The following PPP1R10 variants were observed in gnomAD, a reference collection of about 807,000 sequenced individuals.
PPP1R10 encodes protein phosphatase 1 regulatory subunit 10, also known as serine/threonine-protein phosphatase 1 regulatory subunit 10.
In PPP1R10, 15 loss-of-function variants were observed where a neutral mutation model predicts 99.0. The ratio of observed to expected loss-of-function variants is 0.15; its 90% confidence interval spans 0.10 to 0.23. The LOEUF (loss-of-function observed/expected upper bound fraction) is 0.23. Among genes scored for constraint, PPP1R10 ranks in the 10% least tolerant of loss-of-function variants. PPP1R10 has a pLI of 1.00. For synonymous variants in PPP1R10, 430 were observed against 449.5 expected, an observed-to-expected ratio of 0.96 and a Z score of 0.55; for missense variants, 947 against 1,259.4, an observed-to-expected ratio of 0.75 and a Z score of 3.75.
Position 30,609,145 on chromosome 6 carries a change from T to C in PPP1R10, c.126A>G (p.Arg42=), listed in dbSNP as rs776770433. The C allele has an allele frequency of 2.5e-6, 4 of 1,613,288 alleles. No individual in the cohort carries two copies. Among genetic ancestry groups the C allele is most frequent in the Admixed American group, 3.3e-5 (2 of 60,022 alleles). The change falls in exon 4 of 20, where the codon CGA becomes CGG. Residue 42 remains arginine (R), a synonymous_variant. Coordinates refer to ENST00000376511, the MANE Select transcript of PPP1R10 (RefSeq NM_002714.4). The surrounding 1 kb of genome is among the most constrained non-coding windows in gnomAD (Gnocchi z 4.5). Reference sequence around the variant, plus strand: ...AGTAAGTGCATCGACTCACCATCTTTCGTGCTTCCTTCATCAAACTGCAGA... The same window carrying C: ...AGTAAGTGCATCGACTCACCATCTTCCGTGCTTCCTTCATCAAACTGCAGA... The part of the protein sequence containing the change: ...SKIFSLMKEA[R]KMVSRCTYLN...
Position 30,604,208 on chromosome 6 carries a change from C to T in PPP1R10, c.1308G>A (p.Glu436=). 6.2e-7 allele frequency: 1 copy of T among 1,614,210 alleles called. No homozygotes were observed. Residue 436 remains glutamate (E), a synonymous_variant, in exon 14 of 20, where the codon GAG becomes GAA. Coordinates refer to ENST00000376511, the MANE Select transcript of PPP1R10 (RefSeq NM_002714.4). The surrounding 1 kb of genome is among the most constrained non-coding windows in gnomAD (Gnocchi z 7.3). ...IKDFGEAAKR[E]ILSDRHAFET... The stretch of plus-strand genomic sequence containing the variant: ...CAAATGCATGTCGGTCTGACAGTAT[C>T]TCTCGCTTAGCCGCCTCACCAAAGT...
intron 6 of PPP1R10, among the ~76,000 whole-genome samples, chr6:30,607,430 A>G (rs765846593): frequency 9.2e-5 from 14 of 152,254 alleles, no homozygotes; most frequent in Non-Finnish European, 1.8e-4. Flanking sequence ...CTTGGCAAAT[A>G]ACATCTCTGA....
At chr6:30,608,000 A>T (rs112375362) in intron 5 of PPP1R10, 109 bp from the exon 6 acceptor site, 15,229 of 898,154 alleles carry the variant, frequency 0.017, 243 homozygotes, top group East Asian at 0.076. Context: ...TTTTTTTTTT[A>T]TTTTTTGAGA....
chr6:30,615,946 T>C (rs55895438), intron 2 of PPP1R10, among the ~76,000 whole-genome samples: 1,971 of 152,356 alleles, frequency 0.013, 20 homozygotes, highest in Middle Eastern at 0.031. Context: ...TAAAAAGTTA[T>C]AGCGAGCTAT....
At chr6:30,610,732 C>T (rs971358402) in intron 2 of PPP1R10, among the ~76,000 whole-genome samples, 11 of 152,132 alleles carry the variant, frequency 7.2e-5, no homozygotes, top group African/African-American at 2.2e-4. Context: ...AGCAAAGATG[C>T]GAATCTGGTC....
rs759079126 is a variant in PPP1R10 at position 30,604,553 on chromosome 6, G to GA, written c.1102+34dup. ...TTTCAGACCCAGATCCCTCCTTTCAGAAAACCCCCCAAACTGAACCAGTTT... is the reference window on the plus strand; with the variant it reads ...TTTCAGACCCAGATCCCTCCTTTCAGAAAAACCCCCCAAACTGAACCAGTTT... On this transcript the variant is annotated intron_variant, in intron 12 of 19. Transcript: ENST00000376511. This position sits in a 1 kb window ranked among gnomAD's most constrained non-coding sequence, Gnocchi z 7.3. 4 of 1,612,640 alleles carry GA rather than the reference G, an allele frequency of 2.5e-6. No individual in the cohort carries two copies. The highest frequency in any genetic ancestry group is 3.4e-6 in the Non-Finnish European group (4 of 1,179,854).
intron 2 of PPP1R10, among the ~76,000 whole-genome samples, chr6:30,613,297 C>G (rs112994551): frequency 6.6e-6 from 1 of 152,158 alleles, no homozygotes. Context: ...GATAAAAATT[C>G]TGTGCAAGTC....
At position 30,608,863 on chromosome 6, in the gene PPP1R10, T is replaced by C. The variant is rs1479746127; in HGVS notation, c.246A>G (p.Ser82=). The C allele has an allele frequency of 6.8e-6, 11 of 1,614,078 alleles. No homozygotes were observed. Among genetic ancestry groups the C allele is most frequent in the Non-Finnish European group, 9.3e-6 (11 of 1,180,032 alleles). ...YKLLNNWLTY[S]KTTNNIPLLQ... ...GGAGGGGAATGTTGTTGGTTGTCTT[T>C]GAATACGTCAGCCAATTGTTAAGAA... The change falls in exon 5 of 20, where the codon TCA becomes TCG. Residue 82 remains serine (S), a synonymous_variant. Transcript: ENST00000376511.
intron 1 of PPP1R10, 87 bp downstream of exon 1, chr6:30,617,137 A>T (rs1760687589): frequency 6.5e-6 from 1 of 152,990 alleles, no homozygotes; most frequent in Non-Finnish European, 1.5e-5. Context: ...TGGCTCTCAA[A>T]TGAACCCATC....
At chr6:30,605,154 C>G (rs1422949778) in intron 10 of PPP1R10, 60 bp from the exon 11 acceptor site, 2 of 1,457,600 alleles carry the variant, frequency 1.4e-6, no homozygotes, top group Admixed American at 3.7e-5. Flanking sequence ...CCTACACCTG[C>G]AAACACAGTC....
chr6:30,603,486 G>A lies in PPP1R10; in HGVS notation c.1753C>T (p.Leu585Phe), dbSNP rs1249046708. 6.2e-7 allele frequency: 1 copy of A among 1,610,586 alleles called. No homozygotes were observed. The highest frequency in any genetic ancestry group is 8.5e-7 in the Non-Finnish European group (1 of 1,178,352). ...AGGGTGCGTACCATGATGGAGGTGA[G>A]GATCTCTTGGACATTAATGCCTCCT... ...GGGGINVQEI[L>F]TSIMGSPNSH... Residue 585 changes from leucine (L) to phenylalanine (F), a missense_variant, in exon 16 of 20, where the codon CTC becomes TTC. Physicochemically the swap from Leu to Phe is conservative, Grantham distance 22. Transcript: ENST00000376511.
At position 30,608,815 on chromosome 6, in the gene PPP1R10, C is replaced by A; in HGVS notation, c.294G>T (p.Leu98=). 6.2e-7 allele frequency: 1 copy of A among 1,614,062 alleles called. No homozygotes were observed. The part of the protein sequence containing the change: ...IPLLQQILLT[L]QHLPLTVDHL... ...GGTCTACAGTGAGCGGTAGATGCTG[C>A]AGGGTCAGTAGAATTTGCTGGAGGA... Residue 98 remains leucine (L), a synonymous_variant, in exon 5 of 20, where the codon CTG becomes CTT. Transcript: ENST00000376511.
In PPP1R10 at chr6:30,601,102, T is replaced by C. The variant is rs1007980527; in HGVS notation, c.*447A>G. The C allele has an allele frequency of 7.0e-5, 12 of 170,464 alleles. No homozygotes were observed. Among genetic ancestry groups the C allele is most frequent in the African/African-American group, 2.9e-4 (12 of 41,900 alleles). The allele number at this position is 170,464 out of a possible 1,614,324, so 10.6% of individuals were successfully genotyped here. ...CCCCTTTCAGCATCTCCCCACCCCA[T>C]GAGGAATAATGAACTTAGCTGGGAT... is the stretch of plus-strand genomic sequence containing the variant. On this transcript the variant is annotated 3_prime_UTR_variant, in exon 20 of 20. Transcript: ENST00000376511.
In PPP1R10 at chr6:30,602,294, T is replaced by C. The variant is rs1803419283; in HGVS notation, c.2355A>G (p.Glu785=). 1.9e-6 allele frequency: 3 copies of C among 1,611,154 alleles called. No homozygotes were observed. The South Asian group carries it at 3.3e-5, about 18-fold the overall frequency. Residue 785 remains glutamate, a synonymous_variant, in exon 19 of 20, where the codon GAA becomes GAG. Transcript: ENST00000376511. This position sits in a 1 kb window ranked among gnomAD's most constrained non-coding sequence, Gnocchi z 6.7. ...GGMGSGHRPH[E]GPGGSMGGGG... is the part of the protein sequence containing the mutation. Reference sequence around the variant, plus strand: ...CCCCACCCATGCTACCACCAGGGCCTTCATGGGGGCGATGCCCACTTCCCA... The same window carrying C: ...CCCCACCCATGCTACCACCAGGGCCCTCATGGGGGCGATGCCCACTTCCCA...
chr6:30,610,412 G>C (rs1486706405), intron 2 of PPP1R10, among the ~76,000 whole-genome samples: 1 of 152,200 alleles, frequency 6.6e-6, no homozygotes, highest in Non-Finnish European at 1.5e-5. Context: ...GGCCAATCTT[G>C]GGTGTTTGAG....
At position 30,608,847 on chromosome 6, in the gene PPP1R10, T is replaced by C. The variant is rs1804248647; in HGVS notation, c.262A>G (p.Ile88Val). ...AGTAGAATTTGCTGGAGGAGGGGAA[T>C]GTTGTTGGTTGTCTTTGAATACGTC... ...WLTYSKTTNN[I>V]PLLQQILLTL... The change falls in exon 5 of 20, where the codon ATT (isoleucine) becomes GTT (valine). Residue 88 changes from isoleucine (I) to valine (V), a missense_variant. Coordinates refer to ENST00000376511, the MANE Select transcript of PPP1R10 (RefSeq NM_002714.4). The C allele has an allele frequency of 1.2e-6, 2 of 1,614,074 alleles. No homozygotes were observed. Among genetic ancestry groups the C allele is most frequent in the Non-Finnish European group, 1.7e-6 (2 of 1,179,970 alleles).
In PPP1R10 at chr6:30,611,623, G is replaced by A. The variant is rs544630979; in HGVS notation, c.-11-1668C>T. On this transcript the variant is annotated intron_variant, in intron 2 of 19. Transcript: ENST00000376511. Reference sequence around the variant, plus strand: ...GCCTTTTTGTCCTCCCAACAAAAACGTCAGTAAGTTTCCAAATGTGTAGGT... The same window carrying A: ...GCCTTTTTGTCCTCCCAACAAAAACATCAGTAAGTTTCCAAATGTGTAGGT... Among the ~76,000 whole-genome samples the A allele has an allele frequency of 2.6e-5, 4 of 152,288 alleles. 1 individual carries two copies. The highest frequency in any genetic ancestry group is 9.6e-5 in the African/African-American group (4 of 41,560).
At position 30,602,566 on chromosome 6, in the gene PPP1R10, C is replaced by G. The variant is rs764969624; in HGVS notation, c.2083G>C (p.Gly695Arg). The G allele has an allele frequency of 1.3e-6, 2 of 1,563,164 alleles. No homozygotes were observed. Among genetic ancestry groups the G allele is most frequent in the Non-Finnish European group, 8.6e-7 (1 of 1,157,370 alleles). ...TATGGTCCAGGACCTGGTCCTGGACCCCCCCGCATTGGGCCACCCCGCATA... is the reference window on the plus strand; with the variant it reads ...TATGGTCCAGGACCTGGTCCTGGACGCCCCCGCATTGGGCCACCCCGCATA... The part of the protein sequence containing the change: ...DPMRGGPMRG[G>R]PGPGPGPYHR... The change falls in exon 19 of 20, where the codon GGT becomes CGT. Residue 695 changes from glycine (G) to arginine (R), a missense_variant. Physicochemically the swap from Gly to Arg is moderately radical, Grantham distance 125. Coordinates refer to ENST00000376511, the MANE Select transcript of PPP1R10 (RefSeq NM_002714.4). This position sits in a 1 kb window ranked among gnomAD's most constrained non-coding sequence, Gnocchi z 6.7.
intron 2 of PPP1R10, among the ~76,000 whole-genome samples, chr6:30,615,409 T>C (rs1760370017): frequency 6.6e-6 from 1 of 151,556 alleles, no homozygotes; most frequent in African/African-American, 2.4e-5. Context: ...ACCACCCCCA[T>C]CCTCCCTATA....
Sources: allele counts gnomAD v4.1 joint callset (sites outside exome capture counted in the v4.1 genomes callset), GRCh38; gene constraint gnomAD v4.1.1; non-coding constraint Gnocchi (gnomAD v3.1); transcripts MANE v1.5; gene names NCBI Gene and HGNC (gene_info 2026-07-23, HGNC 2026-07-21).